The following OPRM1 variants were observed in gnomAD, a reference collection of about 807,000 sequenced individuals.
OPRM1 encodes the protein opioid receptor mu 1.
Under a neutral mutation model 31.8 loss-of-function variants are expected in OPRM1, and 27 were observed. The observed-to-expected ratio is 0.85, with a 90% CI of 0.63 to 1.17. The LOEUF (loss-of-function observed/expected upper bound fraction) is 1.17. Among genes scored for constraint, OPRM1 ranks in the 50% most tolerant of loss-of-function variants. The probability of loss-of-function intolerance (pLI) is 0.00; values close to 1 mark genes in which losing one functional copy is unlikely to be tolerated. For synonymous variants in OPRM1, 196 were observed against 189.9 expected, an observed-to-expected ratio of 1.03 and a Z score of -0.26; for missense variants, 536 against 511.1, an observed-to-expected ratio of 1.05 and a Z score of -0.47.
intron 1 of OPRM1, among the ~76,000 whole-genome samples, chr6:154,055,414 A>T (rs188217672): frequency 1.2e-3 from 176 of 152,246 alleles, no homozygotes; most frequent in Middle Eastern, 3.4e-3. Context: ...AACAAAAAAA[A>T]AAAAATAAAA....
At position 154,039,684 on chromosome 6, in the gene OPRM1, CG is replaced by C. The variant is rs1259526644; in HGVS notation, c.141del (p.Asn48ThrfsTer20). ...GGCAACCTGTCCGACCCATGCGGTC[CG>C]AACCGCACCGACCTGGGCGGGAGAG... is the stretch of plus-strand genomic sequence containing the variant. ...LDGNLSDPCG[P>X]NRTDLGGRDS... On this transcript the variant is annotated frameshift_variant, in exon 1 of 4. Coordinates refer to ENST00000330432, the MANE Select transcript of OPRM1 (RefSeq NM_000914.5). LOFTEE classifies it high-confidence loss of function. 6.2e-7 allele frequency: 1 copy of C among 1,613,894 alleles called. No homozygotes were observed. The highest frequency in any genetic ancestry group is 8.5e-7 in the Non-Finnish European group (1 of 1,180,024).
chr6:154,174,661 G>C (rs1163127322), intron 3 of OPRM1, among the ~76,000 whole-genome samples: 1 of 152,184 alleles, frequency 6.6e-6, no homozygotes, highest in Non-Finnish European at 1.5e-5. Flanking sequence ...GGAGCACCCA[G>C]ATTCATAAAG....
Position 154,222,253 on chromosome 6 carries a change from G to C in OPRM1, c.1165-24440G>C, listed in dbSNP as rs1367547351. On this transcript the variant is annotated intron_variant, in intron 3 of 3. Transcript: ENST00000337049. ...TTTAGGCAGGAAGTCCTGCAGCACGGCACAGGCCAGGGTTTTTGTAAATAG... is the reference window on the plus strand; with the variant it reads ...TTTAGGCAGGAAGTCCTGCAGCACGCCACAGGCCAGGGTTTTTGTAAATAG... 2.0e-5 allele frequency among the ~76,000 whole-genome samples: 3 copies of C among 152,246 alleles called. No homozygotes were observed. In the East Asian group the frequency reaches 5.8e-4, roughly 29 times the overall value.
At chr6:154,068,871 C>T (rs1336981880) in intron 1 of OPRM1, among the ~76,000 whole-genome samples, 2 of 152,136 alleles carry the variant, frequency 1.3e-5, no homozygotes, top group South Asian at 2.1e-4. Context: ...CCACCACTTA[C>T]CTTTTGTATT....
chr6:154,054,367 CAA>C (rs1194794442), intron 1 of OPRM1, among the ~76,000 whole-genome samples: 887 of 52,980 alleles, frequency 0.017, 5 homozygotes, highest in African/African-American at 0.053. Context: ...GACTCCGTCT[CAA>C]AAAAAAAAAA....
At chr6:154,225,289 T>C (rs1779164216) in intron 3 of OPRM1, among the ~76,000 whole-genome samples, 1 of 152,200 alleles carries the variant, frequency 6.6e-6, no homozygotes, top group Non-Finnish European at 1.5e-5. Flanking sequence ...CTCAAATACA[T>C]GTGCAGCCCT....
At chr6:154,089,418 C>T (rs998580605) in intron 1 of OPRM1, among the ~76,000 whole-genome samples, 10 of 152,108 alleles carry the variant, frequency 6.6e-5, no homozygotes, top group Non-Finnish European at 1.3e-4. Context: ...AAGACCCTGT[C>T]CCTACAAAAG....
intron 1 of OPRM1, among the ~76,000 whole-genome samples, chr6:154,032,303 C>A (rs1449986035): frequency 6.6e-6 from 1 of 152,156 alleles, no homozygotes; most frequent in African/African-American, 2.4e-5. Flanking sequence ...ATAAAGTAAG[C>A]ACTATGGAAA....
intron 1 of OPRM1, among the ~76,000 whole-genome samples, chr6:154,085,326 A>G (rs1254132911): frequency 1.3e-5 from 2 of 152,252 alleles, no homozygotes; most frequent in African/African-American, 4.8e-5. Flanking sequence ...CACTTCTGGA[A>G]GTTCCATAAA....
At chr6:154,084,915 T>TG (rs1317983036) in intron 1 of OPRM1, among the ~76,000 whole-genome samples, 18 of 116,584 alleles carry the variant, frequency 1.5e-4, no homozygotes, top group Non-Finnish European at 1.9e-4. Context: ...GATGTGGAAT[T>TG]AAACACACAC....
intron 1 of OPRM1, among the ~76,000 whole-genome samples, chr6:154,082,606 G>A (rs973900664): frequency 3.3e-5 from 5 of 152,142 alleles, no homozygotes; most frequent in African/African-American, 1.2e-4. Flanking sequence ...ACTATGATTT[G>A]AAGTCGCTAG....
At position 154,244,305 on chromosome 6, in the gene OPRM1, T is replaced by TGG. The variant is rs1418566894; in HGVS notation, c.1165-2387_1165-2386insGG. ...GATTCGGTGTGTGTGTGGGTGGGTG[T>TGG]GTGTGTGTGTGTGTGTGTGTGTTTG... On this transcript the variant is annotated intron_variant, in intron 3 of 3. Transcript: ENST00000337049. Among the ~76,000 whole-genome samples the TGG allele has an allele frequency of 2.7e-5, 4 of 146,014 alleles. No homozygotes were observed. In the East Asian group the frequency reaches 7.8e-4, roughly 28 times the overall value.
intron 1 of OPRM1, among the ~76,000 whole-genome samples, chr6:154,059,342 A>G (rs1783949980): frequency 6.6e-6 from 1 of 152,196 alleles, no homozygotes; most frequent in Non-Finnish European, 1.5e-5. Flanking sequence ...TGGAACTTCT[A>G]TTTACAAAGC....
At chr6:154,087,418 C>T (rs1790858847) in intron 1 of OPRM1, 3 of 985,406 alleles carry the variant, frequency 3.0e-6, no homozygotes, top group Non-Finnish European at 3.6e-6. Flanking sequence ...CACAAGCTAA[C>T]ATTTAAAAGG....
At chr6:154,147,116 C>T (rs1798378487) in intron 3 of OPRM1, among the ~76,000 whole-genome samples, 1 of 152,138 alleles carries the variant, frequency 6.6e-6, no homozygotes, top group Admixed American at 6.5e-5. Flanking sequence ...TCCAGGGAAG[C>T]AGCTGCTATT....
chr6:154,090,011 C>T lies in OPRM1; in HGVS notation c.476C>T (p.Thr159Ile). 6.2e-7 allele frequency: 1 copy of T among 1,614,156 alleles called. No homozygotes were observed. The highest frequency in any genetic ancestry group is 8.5e-7 in the Non-Finnish European group (1 of 1,179,996). ...DYYNMFTSIFTLCTMSVDRYI... is the reference protein window; with the variant it reads ...DYYNMFTSIFILCTMSVDRYI... ...TATAACATGTTCACCAGCATATTCA[C>T]CCTCTGCACCATGAGTGTTGATCGA... Residue 159 changes from threonine (T) to isoleucine (I), a missense_variant, in exon 2 of 4, where the codon ACC becomes ATC. Transcript: ENST00000330432.
At chr6:154,118,527 G>A (rs1264231724) in intron 3 of OPRM1, among the ~76,000 whole-genome samples, 156 bp from the exon 4 acceptor site, 1 of 152,184 alleles carries the variant, frequency 6.6e-6, no homozygotes, top group Non-Finnish European at 1.5e-5. Flanking sequence ...TGAAGAGATT[G>A]ATTAATGTCT....
rs527456882 is a variant in OPRM1 at position 154,214,761 on chromosome 6, ATTTAACAGGTATT to A, written c.1165-31926_1165-31914del. Among the ~76,000 whole-genome samples, 12 of 152,370 alleles carry A rather than the reference ATTTAACAGGTATT, an allele frequency of 7.9e-5. 1 individual carries two copies. In the South Asian group the frequency reaches 2.3e-3, roughly 29 times the overall value. On this transcript the variant is annotated intron_variant, in intron 3 of 3. Transcript: ENST00000337049. ...AATCAGTAAAAAAAATCTGGCTAGA[ATTTAACAGGTATT>A]TTTAAACTAGAACAAATTTTAATTC...
rs531133380 is a variant in OPRM1 at position 154,178,776 on chromosome 6, G to A, written c.1165-67917G>A. Among the ~76,000 whole-genome samples, 14 of 152,308 alleles carry A rather than the reference G, an allele frequency of 9.2e-5. No individual in the cohort carries two copies. In the South Asian group the frequency reaches 2.9e-3, roughly 32 times the overall value. On this transcript the variant is annotated intron_variant, in intron 3 of 3. Transcript: ENST00000337049. ...ATAGGATTAAAGCTGTTCAGAAAAT[G>A]AGGAAATAATGAAAGGCAAATTATC...
Sources: allele counts gnomAD v4.1 joint callset (sites outside exome capture counted in the v4.1 genomes callset), GRCh38; gene constraint gnomAD v4.1.1; transcripts MANE v1.5; gene names NCBI Gene and HGNC (gene_info 2026-07-23, HGNC 2026-07-21).